Variants in FAM114A2 observed in about 807,000 individuals in gnomAD.
The protein encoded by FAM114A2 is family with sequence similarity 114 member A2.
Under a neutral mutation model 58.4 loss-of-function variants are expected in FAM114A2, and 53 were observed. That is an observed-to-expected ratio of 0.91 (90% CI 0.73 to 1.14). The LOEUF is 1.14. Ranked by LOEUF, FAM114A2 falls within the 50% of genes most tolerant of loss-of-function variation. FAM114A2 has a pLI of 0.00. For missense variants in FAM114A2, 601 were observed against 581.1 expected, an observed-to-expected ratio of 1.03 and a Z score of -0.35; for synonymous variants, 228 against 211.4, an observed-to-expected ratio of 1.08 and a Z score of -0.68.
rs990517666 is a variant in FAM114A2, at chr5:153,992,718, C to A, written c.*258G>T. 3.5e-6 allele frequency: 1 copy of A among 284,244 alleles called. No individual in the cohort carries two copies. Among genetic ancestry groups the A allele is most frequent in the Non-Finnish European group, 6.5e-6 (1 of 154,642 alleles). 17.6% of individuals were successfully genotyped at this position (284,244 alleles called of 1,614,324 possible). ...GCCTGAGTGTCCCACTAATCTTTAT[C>A]TAGAGTTATTATTCTTGGACTTTCT... On this transcript the variant is annotated 3_prime_UTR_variant, in exon 14 of 14. Transcript: ENST00000351797.
At chr5:154,017,058 C>T (rs1771085015) in intron 8 of FAM114A2, among the ~76,000 whole-genome samples, 1 of 152,198 alleles carries the variant, frequency 6.6e-6, no homozygotes, top group Non-Finnish European at 1.5e-5. Context: ...TGGCAAAAGG[C>T]AGTGTCCAAC....
intron 8 of FAM114A2, among the ~76,000 whole-genome samples, chr5:154,016,297 G>A (rs980594439): frequency 4.6e-5 from 7 of 152,094 alleles, no homozygotes; most frequent in South Asian, 2.1e-4. Flanking sequence ...AAAGACCATC[G>A]CCTAGGCACA....
rs200061547 is a variant in FAM114A2, at chr5:154,034,355, G to A, written c.233C>T (p.Pro78Leu). 6.3e-7 allele frequency: 1 copy of A among 1,588,560 alleles called. No homozygotes were observed. The highest frequency in any genetic ancestry group is 8.6e-7 in the Non-Finnish European group (1 of 1,167,746). ...CCCCCAATAACCCCATCTGGTCTGG[G>A]GTACATCTTTGGAAACATTATCCTA... ...PIQDNVSKDV[P>L]QTRWGYWGSW... The change falls in exon 3 of 14, where the codon CCC (proline) becomes CTC (leucine). Residue 78 changes from proline to leucine, a missense_variant. By Grantham distance (98) the Pro-to-Leu change is moderately conservative. Transcript: ENST00000351797.
intron 1 of FAM114A2, among the ~76,000 whole-genome samples, chr5:154,035,325 T>G (rs1772478832): frequency 6.6e-6 from 1 of 152,208 alleles, no homozygotes; most frequent in African/African-American, 2.4e-5. Flanking sequence ...CTATCCTTTT[T>G]TAGCCATAAC....
At position 153,993,187 on chromosome 5, in the gene FAM114A2, A is replaced by T. The variant is rs375885200; in HGVS notation, c.1384-77T>A. 4.5e-5 allele frequency: 53 copies of T among 1,190,642 alleles called. No individual in the cohort carries two copies. The African/African-American group carries it at 6.1e-4, about 14-fold the overall frequency. 73.8% of individuals were successfully genotyped at this position (1,190,642 alleles called of 1,614,324 possible). A position where few individuals can be genotyped will look rare whatever the true frequency, so the allele number is the denominator to read the frequency against. Reference sequence around the variant, plus strand: ...AAGATATACTGTAAGGCAACAGGGGAACAGATTAATTTTTGTAATCTAACT... The same window carrying T: ...AAGATATACTGTAAGGCAACAGGGGTACAGATTAATTTTTGTAATCTAACT... On this transcript the variant is annotated intron_variant, in intron 13 of 13. Coordinates refer to ENST00000351797, the MANE Select transcript of FAM114A2 (RefSeq NM_018691.4).
At position 154,027,187 on chromosome 5, in the gene FAM114A2, T is replaced by C. The variant is rs1315037947; in HGVS notation, c.778A>G (p.Ser260Gly). ...TGGCTTGGAATTACCTTTATTTCAC[T>C]TTCTTGGGAAAGCATCTCCAGAGCT... is the stretch of plus-strand genomic sequence containing the variant. ...LEALEMLSQE[S>G]EIKVKSILNS... is the part of the protein sequence containing the mutation. Residue 260 changes from serine (S) to glycine (G), a missense_variant, in exon 7 of 14, where the codon AGT becomes GGT. Coordinates refer to ENST00000351797, the MANE Select transcript of FAM114A2 (RefSeq NM_018691.4). 6.2e-7 allele frequency: 1 copy of C among 1,608,990 alleles called. No individual in the cohort carries two copies. Among genetic ancestry groups the C allele is most frequent in the East Asian group, 2.2e-5 (1 of 44,838 alleles).
intron 9 of FAM114A2, among the ~76,000 whole-genome samples, chr5:154,003,959 C>T (rs1288719417): frequency 6.6e-6 from 1 of 152,066 alleles, no homozygotes; most frequent in Non-Finnish European, 1.5e-5. Flanking sequence ...TTTACTGTAC[C>T]TTTTCTATAC....
In FAM114A2 at chr5:154,002,465, C is replaced by T. The variant is rs1770043700; in HGVS notation, c.1117-75G>A. ...AAGATACCACCTTACTTCTCTCATACTACAGGATTTGTAGCAGAGACTAAT... is the reference window on the plus strand; with the variant it reads ...AAGATACCACCTTACTTCTCTCATATTACAGGATTTGTAGCAGAGACTAAT... On this transcript the variant is annotated intron_variant, in intron 10 of 13. Coordinates refer to ENST00000351797, the MANE Select transcript of FAM114A2 (RefSeq NM_018691.4). The T allele has an allele frequency of 2.0e-6, 3 of 1,471,718 alleles. No homozygotes were observed. In the South Asian group the frequency reaches 3.5e-5, roughly 17 times the overall value. The allele number at this position is 1,471,718 out of a possible 1,614,324, so 91.2% of individuals were successfully genotyped here.
chr5:154,012,513 T>C (rs1279333182), intron 8 of FAM114A2, among the ~76,000 whole-genome samples: 1 of 152,246 alleles, frequency 6.6e-6, no homozygotes, highest in Admixed American at 6.5e-5. Context: ...CTTAATTCAC[T>C]ATAGTTTGCC....
chr5:153,993,001 C>T lies in FAM114A2; in HGVS notation c.1493G>A (p.Gly498Asp), dbSNP rs1469292490. ...TCAATGTTCTAACAAAGGTTTCTGG[C>T]CCTGCAGCTCATGTCTGTGTGATTC... ...KIESHRHELQ[G>D]QKPLLEH Residue 498 changes from glycine to aspartate, a missense_variant, in exon 14 of 14, where the codon GGC becomes GAC. Coordinates refer to ENST00000351797, the MANE Select transcript of FAM114A2 (RefSeq NM_018691.4). The T allele has an allele frequency of 1.2e-6, 2 of 1,611,854 alleles. No individual in the cohort carries two copies. Among genetic ancestry groups the T allele is most frequent in the Non-Finnish European group, 1.7e-6 (2 of 1,178,550 alleles).
intron 12 of FAM114A2, among the ~76,000 whole-genome samples, chr5:153,996,811 A>T (rs1378846334): frequency 6.6e-6 from 1 of 151,942 alleles, no homozygotes; most frequent in Non-Finnish European, 1.5e-5. Flanking sequence ...AGCTTGGCCA[A>T]CATGGTGAAA....
At chr5:153,997,923 A>G in intron 11 of FAM114A2, 48 bp from the exon 12 acceptor site, 1 of 1,116,782 alleles carries the variant, frequency 9.0e-7, no homozygotes, top group Non-Finnish European at 1.3e-6. Flanking sequence ...TTTTTAAAAA[A>G]ATAAGTTATA....
chr5:153,993,303 A>G (rs1014580927), intron 13 of FAM114A2, among the ~76,000 whole-genome samples, 193 bp from the exon 14 acceptor site: 1 of 152,214 alleles, frequency 6.6e-6, no homozygotes, highest in African/African-American at 2.4e-5. Context: ...AGATGATATG[A>G]GCACCAAAAG....
At chr5:154,019,332 T>A (rs1404400356) in intron 8 of FAM114A2, among the ~76,000 whole-genome samples, 1 of 151,864 alleles carries the variant, frequency 6.6e-6, no homozygotes, top group African/African-American at 2.4e-5. Flanking sequence ...ACCAAGAAGG[T>A]GAAAGACCCC....
chr5:153,990,834 C>T lies in FAM114A2; in HGVS notation c.*2142G>A, dbSNP rs1169166887. On this transcript the variant is annotated 3_prime_UTR_variant, in exon 14 of 14. Transcript: ENST00000351797. ...TGTAGCTGTTAACAAAAAACTAAAA[C>T]ACTGTAACTACCCCAAATAAAATAA... 1 of 152,134 alleles carries T rather than the reference C, an allele frequency of 6.6e-6. No homozygotes were observed. Among genetic ancestry groups the T allele is most frequent in the Non-Finnish European group, 1.5e-5 (1 of 68,012 alleles). The allele number at this position is 152,134 out of a possible 1,614,324, so 9.4% of individuals were successfully genotyped here.
At chr5:154,004,363 CTT>C (rs1378089743) in intron 9 of FAM114A2, among the ~76,000 whole-genome samples, 1 of 152,132 alleles carries the variant, frequency 6.6e-6, no homozygotes, top group East Asian at 1.9e-4. Context: ...AGCCTTCACT[CTT>C]TACTCGTCTC....
chr5:153,993,285 A>C (rs1581751839), intron 13 of FAM114A2, among the ~76,000 whole-genome samples, 175 bp from the exon 14 acceptor site: 1 of 152,208 alleles, frequency 6.6e-6, no homozygotes, highest in East Asian at 1.9e-4. Context: ...AGAAGAATTT[A>C]GCTCTTAAGA....
At chr5:154,032,097 G>A (rs1429138864) in intron 4 of FAM114A2, among the ~76,000 whole-genome samples, 1 of 152,176 alleles carries the variant, frequency 6.6e-6, no homozygotes, top group African/African-American at 2.4e-5. Context: ...AGTGAACACT[G>A]ATCAAAGATT....
chr5:154,028,088 CA>C, intron 6 of FAM114A2, 60 bp downstream of exon 6: 1 of 1,422,312 alleles, frequency 7.0e-7, no homozygotes, highest in Non-Finnish European at 9.5e-7. Flanking sequence ...TCCAAGTAAA[CA>C]AAGGCAAAAA....
Sources: allele counts gnomAD v4.1 joint callset (sites outside exome capture counted in the v4.1 genomes callset), GRCh38; gene constraint gnomAD v4.1.1; transcripts MANE v1.5; gene names NCBI Gene and HGNC (gene_info 2026-07-23, HGNC 2026-07-21).